MED23: variants seen among roughly 807,000 people sequenced by gnomAD.
The protein encoded by MED23 is mediator of RNA polymerase II transcription subunit 23.
A neutral mutation model predicts 163.9 loss-of-function variants in MED23; 105 were observed. The ratio of observed to expected loss-of-function variants is 0.64; its 90% CI spans 0.55 to 0.75. The LOEUF is 0.75. MED23 is among the 30% of genes least tolerant of loss of function. MED23 has a pLI of 0.00. For synonymous variants in MED23, 561 were observed against 565.6 expected (o/e 0.99, Z 0.12); for missense variants, 1,054 against 1,649.0 (o/e 0.64, Z 6.25).
At chr6:131,612,432 A>T (rs1009471727) in intron 10 of MED23, among the ~76,000 whole-genome samples, 1 of 152,118 alleles carries the variant, frequency 6.6e-6, no homozygotes, top group Non-Finnish European at 1.5e-5. Context: ...AAAGTGGAAC[A>T]AACATTTGTA....
intron 10 of MED23, 90 bp downstream of exon 10, chr6:131,615,817 G>T: frequency 1.1e-6 from 1 of 903,890 alleles, no homozygotes; most frequent in Non-Finnish European, 1.8e-6. Flanking sequence ...GTTCTTAACT[G>T]TTTTGCTCAG....
chr6:131,578,403 T>C (rs1773735258), intron 30 of MED23, among the ~76,000 whole-genome samples: 1 of 152,178 alleles, frequency 6.6e-6, no homozygotes. Context: ...CAGTTTTACA[T>C]GACACTCTCT....
chr6:131,594,038 T>C (rs954691413), intron 23 of MED23, 61 bp downstream of exon 23: 4 of 1,385,514 alleles, frequency 2.9e-6, no homozygotes, highest in Admixed American at 1.7e-5. Context: ...AGAAAAAATA[T>C]ATTCTCATAA....
intron 9 of MED23, among the ~76,000 whole-genome samples, chr6:131,617,234 G>A (rs931225471): frequency 6.7e-6 from 1 of 149,900 alleles, no homozygotes; most frequent in East Asian, 1.9e-4. Flanking sequence ...TATCTGTGTC[G>A]CTGGGGACAT....
rs2114519068 is a variant in MED23 at position 131,576,668 on chromosome 6, A to G, written c.4096-2373T>C. On this transcript the variant is annotated intron_variant, in intron 30 of 30. Coordinates refer to the MED23 transcript ENST00000354577. The stretch of plus-strand genomic sequence containing the variant: ...TTTATTTTTTAATTGTTCAGCCACG[A>G]GGAGGGGTGGAAGAAGGCCCTACAG... 2 of 1,613,840 alleles carry G rather than the reference A, an allele frequency of 1.2e-6. No homozygotes were observed. Among genetic ancestry groups the G allele is most frequent in the Admixed American group, 1.7e-5 (1 of 60,008 alleles).
intron 3 of MED23, among the ~76,000 whole-genome samples, chr6:131,626,536 C>T (rs1400127037): frequency 6.6e-6 from 1 of 152,074 alleles, no homozygotes; most frequent in Admixed American, 6.5e-5. Context: ...TATGATCATG[C>T]TATAAAAGTG....
At chr6:131,614,636 A>C (rs1776529262) in intron 10 of MED23, among the ~76,000 whole-genome samples, 1 of 152,162 alleles carries the variant, frequency 6.6e-6, no homozygotes, top group Non-Finnish European at 1.5e-5. Flanking sequence ...TCACTCTAGG[A>C]GGAAGGCACT....
chr6:131,589,451 C>T lies in MED23; in HGVS notation c.3939+14G>A. 1 of 1,606,938 alleles carries T rather than the reference C, an allele frequency of 6.2e-7. No homozygotes were observed. Among genetic ancestry groups the T allele is most frequent in the Non-Finnish European group, 8.5e-7 (1 of 1,175,702 alleles). ...TTAAACATCATTAAAAATAATTAAA[C>T]AAATTCAACTTACTTGCTCTTTCAC... On this transcript the variant is annotated intron_variant, in intron 28 of 28. Transcript: ENST00000368068.
Position 131,596,512 on chromosome 6 carries a change from T to G in MED23, c.2778+6A>C. ...GACTATTTGAAATACCAATTAGGAC[T>G]AGTACCTTGTGATAATTCATGTGCT... On this transcript the variant is annotated splice_donor_region_variant and intron_variant, in intron 21 of 28. Transcript: ENST00000368068. The G allele has an allele frequency of 1.2e-6, 2 of 1,614,062 alleles. No homozygotes were observed. The highest frequency in any genetic ancestry group is 2.2e-5 in the South Asian group (2 of 91,082).
At position 131,613,498 on chromosome 6, in the gene MED23, T is replaced by C. The variant is rs1776425395; in HGVS notation, c.876+2409A>G. 2.6e-5 allele frequency among the ~76,000 whole-genome samples: 4 copies of C among 152,310 alleles called. No individual in the cohort carries two copies. In the South Asian group the frequency reaches 6.2e-4, roughly 24 times the overall value. On this transcript the variant is annotated intron_variant, in intron 10 of 28. Transcript: ENST00000368068. ...GAAAGTATAGTGTAGGATGTAGTTC[T>C]GTAATGATAAAAGATGTGATAAGAT...
chr6:131,619,211 AT>A (rs1776906890), intron 8 of MED23, among the ~76,000 whole-genome samples: 1 of 152,202 alleles, frequency 6.6e-6, no homozygotes, highest in Non-Finnish European at 1.5e-5. Flanking sequence ...TTTAGATTGT[AT>A]TTGTATTTTC....
At position 131,591,388 on chromosome 6, in the gene MED23, C is replaced by T. The variant is rs1400187224; in HGVS notation, c.3611G>A (p.Ser1204Asn). ...TACHQSYSEMSCSYTLALAHA... is the reference protein window; with the variant it reads ...TACHQSYSEMNCSYTLALAHA... ...TGCAAGAGCTAACGTATAGCTACAA[C>T]TCATCTCAGAGTAGGACTGATGACA... The change falls in exon 26 of 29, where the codon AGT (serine) becomes AAT (asparagine). Residue 1204 changes from serine (S) to asparagine (N), a missense_variant. Transcript: ENST00000368068. The T allele has an allele frequency of 6.2e-7, 1 of 1,613,860 alleles. No individual in the cohort carries two copies. The highest frequency in any genetic ancestry group is 1.3e-5 in the African/African-American group (1 of 74,912).
intron 30 of MED23, among the ~76,000 whole-genome samples, chr6:131,577,287 C>T (rs1445153452): frequency 6.6e-6 from 1 of 152,056 alleles, no homozygotes; most frequent in Non-Finnish European, 1.5e-5. Flanking sequence ...GAAACTGGAA[C>T]CCTCATATAT....
Position 131,586,733 on chromosome 6 carries a change from C to A in MED23, c.*946G>T. On this transcript the variant is annotated 3_prime_UTR_variant, in exon 29 of 29. Transcript: ENST00000368068. ...CAGCCGACACTCATTCCAATGGAGT[C>A]GGGAAACAATCACACGGTTTATTCA... 7.0e-7 allele frequency: 1 copy of A among 1,435,736 alleles called. No homozygotes were observed. Among genetic ancestry groups the A allele is most frequent in the South Asian group, 1.2e-5 (1 of 80,036 alleles). The allele number at this position is 1,435,736 out of a possible 1,614,324, so 88.9% of individuals were successfully genotyped here.
intron 5 of MED23, among the ~76,000 whole-genome samples, chr6:131,622,737 G>A (rs751240878): frequency 6.6e-6 from 1 of 152,126 alleles, no homozygotes; most frequent in Non-Finnish European, 1.5e-5. Context: ...TTATCTGTTA[G>A]GTCATTACCT....
At chr6:131,620,869 C>G in intron 6 of MED23, 140 bp from the exon 7 acceptor site, 1 of 540,864 alleles carries the variant, frequency 1.8e-6, no homozygotes, top group Non-Finnish European at 3.2e-6. Context: ...GTGGCGTAAT[C>G]ATGGCTCACT....
At chr6:131,593,267 A>G (rs1774786582) in intron 23 of MED23, 96 bp from the exon 24 acceptor site, 1 of 1,447,450 alleles carries the variant, frequency 6.9e-7, no homozygotes, top group Middle Eastern at 1.7e-4. Flanking sequence ...CTACGCTTAG[A>G]GAGATTAAGA....
At chr6:131,577,626 G>A (rs1470121347) in intron 30 of MED23, among the ~76,000 whole-genome samples, 1 of 151,894 alleles carries the variant, frequency 6.6e-6, no homozygotes, top group Non-Finnish European at 1.5e-5. Context: ...GACTGGTCGG[G>A]CACGGTGGCT....
chr6:131,609,975 A>G, intron 11 of MED23, 71 bp downstream of exon 11: 1 of 1,395,288 alleles, frequency 7.2e-7, no homozygotes, highest in African/African-American at 1.4e-5. Flanking sequence ...ATCACTAGGG[A>G]ATGCCCACAG....
Sources: gnomAD v4.1 joint callset for allele counts (sites outside exome capture counted in the v4.1 genomes callset) on GRCh38, gnomAD v4.1.1 for gene constraint, MANE v1.5 for transcripts, NCBI Gene and HGNC (gene_info 2026-07-23, HGNC 2026-07-21) for gene names.